The following KBTBD4 variants were observed in gnomAD, a reference collection of about 807,000 sequenced individuals.
The protein encoded by KBTBD4 is kelch repeat and BTB domain-containing protein 4.
A neutral mutation model predicts 43.9 loss-of-function variants in KBTBD4; 30 were observed. The ratio of observed to expected loss-of-function variants is 0.68; its 90% CI spans 0.51 to 0.93. The LOEUF is 0.93. Among genes scored for constraint, KBTBD4 ranks in the 40% least tolerant of loss-of-function variants. The pLI is 0.00. For missense variants in KBTBD4, 575 were observed against 668.8 expected (o/e 0.86, Z 1.55); for synonymous variants, 258 against 256.9 (o/e 1.00, Z -0.04).
intron 3 of KBTBD4, among the ~76,000 whole-genome samples, chr11:47,574,891 A>G (rs2097256299): frequency 7.8e-6 from 1 of 127,866 alleles, no homozygotes; most frequent in Non-Finnish European, 1.7e-5. Context: ...CGAAACTCCC[A>G]TCTCTCTCTC....
In KBTBD4 at chr11:47,573,494, G is replaced by A; in HGVS notation, c.1041C>T (p.Ala347=). 1 of 1,614,154 alleles carries A rather than the reference G, an allele frequency of 6.2e-7. No homozygotes were observed. The highest frequency in any genetic ancestry group is 2.2e-5 in the East Asian group (1 of 44,884). ...GTGTCTTGCCACCCAGTGAATATAT[G>A]GCATCTTTCCCGGGCACAGACACCA... ...HTLVSVPGKD[A]IYSLGGKTLQ... is the part of the protein sequence containing the mutation. The change falls in exon 4 of 4, where the codon GCC becomes GCT. Residue 347 remains alanine, a synonymous_variant. Transcript: ENST00000430070. The surrounding 1 kb of genome is among the most constrained non-coding windows in gnomAD (Gnocchi z 4.1).
At chr11:47,578,431 A>G in intron 1 of KBTBD4, 1 of 568,246 alleles carries the variant, frequency 1.8e-6, no homozygotes, top group Non-Finnish European at 3.1e-6. Context: ...CAGTAGAATC[A>G]GACAAAAAGG....
chr11:47,578,061 G>A (rs1267849833), intron 1 of KBTBD4, 33 bp from the exon 2 acceptor site: 1 of 1,610,730 alleles, frequency 6.2e-7, no homozygotes, highest in Non-Finnish European at 8.5e-7. Context: ...GTAACCTGAG[G>A]AATTCACAGC....
chr11:47,573,912 A>C lies in KBTBD4; in HGVS notation c.745-122T>G. On this transcript the variant is annotated intron_variant, in intron 3 of 3. Transcript: ENST00000430070. The surrounding 1 kb of genome is among the most constrained non-coding windows in gnomAD (Gnocchi z 4.1). ...CCTAGCTTTATCATACTACTCTCTA[A>C]TTACTGTATGGCATCCAACTCTCCT... The C allele has an allele frequency of 1.1e-6, 1 of 889,660 alleles. No homozygotes were observed. Among genetic ancestry groups the C allele is most frequent in the Non-Finnish European group, 1.7e-6 (1 of 586,370 alleles). 55.1% of individuals were successfully genotyped at this position (889,660 alleles called of 1,614,324 possible). A position where few individuals can be genotyped will look rare whatever the true frequency, so the allele number is the denominator to read the frequency against.
Position 47,573,191 on chromosome 11 carries a change from C to T in KBTBD4, c.1344G>A (p.Val448=), listed in dbSNP as rs1284333498. 6.2e-7 allele frequency: 1 copy of T among 1,614,202 alleles called. No homozygotes were observed. The highest frequency in any genetic ancestry group is 8.5e-7 in the Non-Finnish European group (1 of 1,180,032). ...RMHAAVHKDL[V]FIVAEGDSLV... is the part of the protein sequence containing the mutation. ...GGGAGTCCCCTTCAGCCACGATGAA[C>T]ACCAGATCTTTATGCACAGCTGCGT... is the stretch of plus-strand genomic sequence containing the variant. Residue 448 remains valine (V), a synonymous_variant, in exon 4 of 4, where the codon GTG becomes GTA. Coordinates refer to ENST00000430070, the MANE Select transcript of KBTBD4 (RefSeq NM_018095.6). This position sits in a 1 kb window ranked among gnomAD's most constrained non-coding sequence, Gnocchi z 4.1.
Position 47,577,534 on chromosome 11 carries a change from G to C in KBTBD4, c.514C>G (p.Arg172Gly), listed in dbSNP as rs148905856. The C allele has an allele frequency of 4.3e-5, 69 of 1,614,018 alleles. No individual in the cohort carries two copies. The highest frequency in any genetic ancestry group is 5.8e-5 in the Non-Finnish European group (69 of 1,180,018). Residue 172 changes from arginine (R) to glycine (G), a missense_variant, in exon 2 of 4, where the codon CGG becomes GGG. Arg to Gly is a moderately radical substitution (Grantham distance 125, BLOSUM62 -2). Coordinates refer to ENST00000430070, the MANE Select transcript of KBTBD4 (RefSeq NM_018095.6). The stretch of plus-strand genomic sequence containing the variant: ...GTATAGAGCTCAGGATCACTGTGCC[G>C]ATCTGCCAGCCACATCACCTGAAGG... ...NCLQVMWLADRHSDPELYTAA... is the reference protein window; with the variant it reads ...NCLQVMWLADGHSDPELYTAA...
chr11:47,574,973 G>A (rs991445107), intron 3 of KBTBD4, among the ~76,000 whole-genome samples: 1 of 152,046 alleles, frequency 6.6e-6, no homozygotes, highest in South Asian at 2.1e-4. Context: ...CCAGCATTTT[G>A]GGAGGCAGAG....
In KBTBD4 at chr11:47,578,928, C is replaced by G. The variant is rs1489055785; in HGVS notation, c.19+5G>C. The G allele has an allele frequency of 1.9e-6, 3 of 1,551,860 alleles. No individual in the cohort carries two copies. On this transcript the variant is annotated splice_donor_5th_base_variant and intron_variant, in intron 1 of 3. Coordinates refer to ENST00000430070, the MANE Select transcript of KBTBD4 (RefSeq NM_018095.6). ...TTTCCCTACCTGCCTGTCTCGCTTTCTCACCTGCGTTCCCTCCTTTCATCC... is the reference window on the plus strand; with the variant it reads ...TTTCCCTACCTGCCTGTCTCGCTTTGTCACCTGCGTTCCCTCCTTTCATCC...
intron 1 of KBTBD4, 99 bp downstream of exon 1, chr11:47,578,834 G>C: frequency 1.3e-6 from 2 of 1,544,224 alleles, no homozygotes; most frequent in Non-Finnish European, 8.7e-7. Flanking sequence ...TCACCCGCCT[G>C]GTTCTTCAGC....
chr11:47,577,969 T>C lies in KBTBD4; in HGVS notation c.79A>G (p.Met27Val), dbSNP rs777973790. The change falls in exon 2 of 4, where the codon ATG becomes GTG. Residue 27 changes from methionine (M) to valine (V), a missense_variant. Physicochemically the swap from Met to Val is conservative, Grantham distance 21 (BLOSUM62 1). Transcript: ENST00000430070. ...MESPEEPGAS[M>V]DENYFVNYTF... ...TAGTTCACAAAGTAGTTCTCATCCA[T>C]GGATGCTCCAGGCTCCTCTGGTGAT... 28 of 1,614,108 alleles carry C rather than the reference T, an allele frequency of 1.7e-5. No individual in the cohort carries two copies. The highest frequency in any genetic ancestry group is 8.5e-7 in the Non-Finnish European group (1 of 1,180,032).
At chr11:47,575,406 C>A (rs1304162023) in intron 3 of KBTBD4, among the ~76,000 whole-genome samples, 187 bp downstream of exon 3, 3 of 151,176 alleles carry the variant, frequency 2.0e-5, no homozygotes, top group Non-Finnish European at 4.4e-5. Flanking sequence ...ACTAGGGAGG[C>A]TGAGGCAGGA....
At chr11:47,574,182 A>G (rs1239609399) in intron 3 of KBTBD4, among the ~76,000 whole-genome samples, 1 of 152,114 alleles carries the variant, frequency 6.6e-6, no homozygotes, top group Admixed American at 6.6e-5. Context: ...AAAAATAAAT[A>G]AATAAATACA....
chr11:47,574,495 T>C (rs1190943959), intron 3 of KBTBD4, among the ~76,000 whole-genome samples: 1 of 151,244 alleles, frequency 6.6e-6, no homozygotes, highest in South Asian at 2.1e-4. Context: ...AGACTCTGTC[T>C]CAAAAACAAA....
chr11:47,575,363 C>G (rs972100618), intron 3 of KBTBD4, among the ~76,000 whole-genome samples: 1 of 151,130 alleles, frequency 6.6e-6, no homozygotes, highest in African/African-American at 2.4e-5. Context: ...AAAAATTAGC[C>G]GGGCGTGGTG....
chr11:47,578,947 T>C lies in KBTBD4; in HGVS notation c.5A>G (p.Lys2Arg), dbSNP rs2097265804. 6.4e-7 allele frequency: 1 copy of C among 1,551,642 alleles called. No individual in the cohort carries two copies. M[K>R]GGNADSWQRE... ...CGCTTTCTCACCTGCGTTCCCTCCTTTCATCCCGGAGCCCGGAACCTCCGC... is the reference window on the plus strand; with the variant it reads ...CGCTTTCTCACCTGCGTTCCCTCCTCTCATCCCGGAGCCCGGAACCTCCGC... The change falls in exon 1 of 4, where the codon AAA (lysine) becomes AGA (arginine). Residue 2 changes from lysine (K) to arginine (R), a missense_variant. Coordinates refer to ENST00000430070, the MANE Select transcript of KBTBD4 (RefSeq NM_018095.6).
chr11:47,575,299 GA>G (rs2097257022), intron 3 of KBTBD4, among the ~76,000 whole-genome samples: 1 of 151,848 alleles, frequency 6.6e-6, no homozygotes, highest in African/African-American at 2.4e-5. Context: ...ACGAGGTCAG[GA>G]GATCGAGAGC....
At chr11:47,575,553 G>A in intron 3 of KBTBD4, 40 bp downstream of exon 3, 1 of 1,236,200 alleles carries the variant, frequency 8.1e-7, no homozygotes, top group Non-Finnish European at 1.2e-6. Flanking sequence ...AAGAATGCAT[G>A]GAGAGTATGC....
In KBTBD4 at chr11:47,573,456, A is replaced by C. The variant is rs909392785; in HGVS notation, c.1079T>G (p.Leu360Arg). 1 of 1,614,180 alleles carries C rather than the reference A, an allele frequency of 6.2e-7. No individual in the cohort carries two copies. The highest frequency in any genetic ancestry group is 2.2e-5 in the East Asian group (1 of 44,880). ...SLGGKTLQDT[L>R]SNAVIYYRVG... ...GCGATAATAAATGACTGCGTTGGAG[A>C]GGGTATCTTGCAGTGTCTTGCCACC... The change falls in exon 4 of 4, where the codon CTC (leucine) becomes CGC (arginine). Residue 360 changes from leucine (L) to arginine (R), a missense_variant. Physicochemically the swap from Leu to Arg is moderately radical, Grantham distance 102. Coordinates refer to ENST00000430070, the MANE Select transcript of KBTBD4 (RefSeq NM_018095.6). The surrounding 1 kb of genome is among the most constrained non-coding windows in gnomAD (Gnocchi z 4.1).
At chr11:47,575,291 G>A (rs1217618532) in intron 3 of KBTBD4, among the ~76,000 whole-genome samples, 1 of 151,692 alleles carries the variant, frequency 6.6e-6, no homozygotes, top group East Asian at 1.9e-4. Context: ...GGCGGATCAC[G>A]AGGTCAGGAG....
Sources: allele counts gnomAD v4.1 joint callset (sites outside exome capture counted in the v4.1 genomes callset), GRCh38; gene constraint gnomAD v4.1.1; non-coding constraint Gnocchi (gnomAD v3.1); transcripts MANE v1.5; gene names NCBI Gene and HGNC (gene_info 2026-07-23, HGNC 2026-07-21).